Variants in KLF12 observed in about 807,000 individuals in gnomAD.
KLF12 encodes KLF transcription factor 12.
KLF12 carries 9 observed loss-of-function variants against 37.8 expected under a neutral mutation model. The ratio of observed to expected loss-of-function variants is 0.24; its 90% CI spans 0.14 to 0.42. The LOEUF (loss-of-function observed/expected upper bound fraction) is 0.42. Among genes scored for constraint, KLF12 ranks in the 10% least tolerant of loss-of-function variants. KLF12 has a pLI of 1.00. For synonymous variants in KLF12, 208 were observed against 202.1 expected (o/e 1.03, Z -0.25); for missense variants, 411 against 516.0 (o/e 0.80, Z 1.97).
At chr13:74,036,204 T>C (rs1331022536) in intron 1 of KLF12, among the ~76,000 whole-genome samples, 1 of 152,200 alleles carries the variant, frequency 6.6e-6, no homozygotes, top group Non-Finnish European at 1.5e-5. Flanking sequence ...ATCCTCTCCA[T>C]ACTTAAATAT....
intron 7 of KLF12, among the ~76,000 whole-genome samples, chr13:73,700,897 TTA>T (rs1445435408): frequency 3.9e-5 from 6 of 152,306 alleles, no homozygotes; most frequent in African/African-American, 1.4e-4. Context: ...GCACACAATC[TTA>T]TAAACACATT....
chr13:73,730,270 T>C (rs1876970548), intron 6 of KLF12, among the ~76,000 whole-genome samples: 2 of 152,194 alleles, frequency 1.3e-5, no homozygotes. Flanking sequence ...CTCTCTTCTC[T>C]GATTTCTTAC....
the KLF12 span, among the ~76,000 whole-genome samples, chr13:74,293,758 T>C: frequency 6.6e-6 from 1 of 152,226 alleles, no homozygotes; most frequent in African/African-American, 2.4e-5. Context: ...ACACTGCATT[T>C]GAAGGAGCAT....
At chr13:73,834,828 T>C (rs1884345874) in intron 4 of KLF12, among the ~76,000 whole-genome samples, 1 of 152,196 alleles carries the variant, frequency 6.6e-6, no homozygotes, top group South Asian at 2.1e-4. Context: ...AATTTTATTT[T>C]CTCTCTCTGA....
intron 2 of KLF12, among the ~76,000 whole-genome samples, chr13:73,961,480 C>T (rs985166385): frequency 6.6e-6 from 1 of 151,986 alleles, no homozygotes; most frequent in Non-Finnish European, 1.5e-5. Context: ...ACAGAACTTA[C>T]CAGGGAAGAA....
At chr13:73,804,808 G>T (rs1430612947) in intron 5 of KLF12, among the ~76,000 whole-genome samples, 1 of 152,162 alleles carries the variant, frequency 6.6e-6, no homozygotes, top group African/African-American at 2.4e-5. Flanking sequence ...CTGAGTCAAA[G>T]AATATTTCTT....
At position 73,809,780 on chromosome 13, in the gene KLF12, A is replaced by G. The variant is rs111748270; in HGVS notation, c.806+3372T>C. Among the ~76,000 whole-genome samples the G allele has an allele frequency of 8.1e-3, 1,229 of 152,188 alleles. 19 individuals carry two copies. The highest frequency in any genetic ancestry group is 0.028 in the African/African-American group (1,159 of 41,502). The stretch of plus-strand genomic sequence containing the variant: ...TTGAATGATGACTCATTAACTATTG[A>G]TGGGTCCTGGCATTCTAGGGCTTCC... On this transcript the variant is annotated intron_variant, in intron 5 of 7. Transcript: ENST00000377669.
the KLF12 span, among the ~76,000 whole-genome samples, chr13:74,139,668 T>A: frequency 0.24 from 36,182 of 151,996 alleles, 5,977 homozygotes; most frequent in African/African-American, 0.47. Flanking sequence ...TTTATTAAAA[T>A]TAGATAGCAT....
the KLF12 span, among the ~76,000 whole-genome samples, chr13:74,293,051 G>C: frequency 6.6e-6 from 1 of 152,158 alleles, no homozygotes; most frequent in Non-Finnish European, 1.5e-5. Flanking sequence ...GCCAGAAAGG[G>C]GCTCTGAACA....
intron 1 of KLF12, among the ~76,000 whole-genome samples, chr13:74,027,871 G>A (rs1033499316): frequency 3.9e-5 from 6 of 152,040 alleles, no homozygotes; most frequent in African/African-American, 1.2e-4. Flanking sequence ...TAGTTTCAAC[G>A]TGTGCTTTAT....
intron 7 of KLF12, among the ~76,000 whole-genome samples, chr13:73,696,773 TAA>T (rs893199933): frequency 1.3e-5 from 2 of 152,180 alleles, no homozygotes; most frequent in Non-Finnish European, 2.9e-5. Context: ...TCAAAGCCAG[TAA>T]AAAGATGTGC....
At chr13:74,271,843 T>G in the KLF12 span, among the ~76,000 whole-genome samples, 6 of 152,196 alleles carry the variant, frequency 3.9e-5, no homozygotes, top group Non-Finnish European at 8.8e-5. Flanking sequence ...GATTTCAAGA[T>G]GGCTCTTTGC....
the KLF12 span, among the ~76,000 whole-genome samples, chr13:74,283,523 G>T: frequency 1.3e-5 from 2 of 152,182 alleles, no homozygotes; most frequent in South Asian, 4.1e-4. Flanking sequence ...ATTCCATGCA[G>T]ATACTCCTTT....
the KLF12 span, among the ~76,000 whole-genome samples, chr13:74,141,997 T>C: frequency 6.6e-6 from 1 of 152,236 alleles, no homozygotes; most frequent in African/African-American, 2.4e-5. Context: ...AATATACCAT[T>C]GGCTTACAAG....
intron 1 of KLF12, among the ~76,000 whole-genome samples, chr13:74,069,561 G>A (rs1184848831): frequency 6.6e-6 from 1 of 152,072 alleles, no homozygotes. Flanking sequence ...AAGACCAGGA[G>A]GACAATGTTA....
chr13:73,787,237 C>T (rs1457383266), intron 5 of KLF12, among the ~76,000 whole-genome samples: 6 of 152,154 alleles, frequency 3.9e-5, no homozygotes, highest in Non-Finnish European at 8.8e-5. Flanking sequence ...GTTCCAGATA[C>T]TCTGCAAGTC....
At chr13:74,156,297 T>A in the KLF12 span, among the ~76,000 whole-genome samples, 1 of 152,218 alleles carries the variant, frequency 6.6e-6, no homozygotes, top group Non-Finnish European at 1.5e-5. Context: ...TTCTAACCAA[T>A]TCATTCCAGC....
At chr13:74,154,082 AAAAT>A in the KLF12 span, among the ~76,000 whole-genome samples, 3 of 151,646 alleles carry the variant, frequency 2.0e-5, no homozygotes, top group Non-Finnish European at 4.4e-5. Context: ...AAAAAAAAAA[AAAAT>A]TAGCTGGGCA....
At chr13:74,248,348 C>T in the KLF12 span, among the ~76,000 whole-genome samples, 1 of 152,174 alleles carries the variant, frequency 6.6e-6, no homozygotes, top group Non-Finnish European at 1.5e-5. Context: ...GGATGCATTG[C>T]TGTTGGCCAA....
Sources: allele counts gnomAD v4.1 joint callset (sites outside exome capture counted in the v4.1 genomes callset), GRCh38; gene constraint gnomAD v4.1.1; transcripts MANE v1.5; gene names NCBI Gene and HGNC (gene_info 2026-07-23, HGNC 2026-07-21).